The following KCNQ3 variants were observed in gnomAD, a reference collection of about 807,000 sequenced individuals.
KCNQ3 encodes the protein potassium voltage-gated channel subfamily Q member 3.
Under a neutral mutation model 92.5 loss-of-function variants are expected in KCNQ3, and 30 were observed. The ratio of observed to expected loss-of-function variants is 0.32; its 90% CI spans 0.24 to 0.44. The LOEUF is 0.44. Among genes scored for constraint, KCNQ3 ranks in the 20% least tolerant of loss-of-function variants. The probability of loss-of-function intolerance (pLI) is 1.00; values close to 1 mark genes in which losing one functional copy is unlikely to be tolerated. For missense variants in KCNQ3, 913 were observed against 1,140.3 expected, an observed-to-expected ratio of 0.80 and a Z score of 2.87; for synonymous variants, 450 against 468.8, an observed-to-expected ratio of 0.96 and a Z score of 0.52.
chr8:132,410,057 A>C (rs1262091411), intron 1 of KCNQ3, among the ~76,000 whole-genome samples: 6 of 152,172 alleles, frequency 3.9e-5, no homozygotes, highest in African/African-American at 1.4e-4. Flanking sequence ...TGAGCCCAGG[A>C]GGTCATGGCT....
intron 1 of KCNQ3, among the ~76,000 whole-genome samples, chr8:132,303,057 T>C (rs1395830199): frequency 2.0e-5 from 3 of 152,180 alleles, no homozygotes; most frequent in Admixed American, 6.5e-5. Context: ...CCAGAGCTAT[T>C]GATCATGCAA....
Position 132,184,279 on chromosome 8 carries a change from CCCCG to C in KCNQ3, c.562_565del (p.Arg188AlafsTer3). 1 of 1,614,196 alleles carries C rather than the reference CCCCG, an allele frequency of 6.2e-7. No individual in the cohort carries two copies. The highest frequency in any genetic ancestry group is 8.5e-7 in the Non-Finnish European group (1 of 1,180,036). Reference sequence around the variant, plus strand: ...GGGCTTCCTGGCAAACTTCAGTCGGCCCCGCCAGCCTTTGTATCGGCAGCAACAT... The same window carrying C: ...GGGCTTCCTGGCAAACTTCAGTCGGCCCAGCCTTTGTATCGGCAGCAACAT... On this transcript the variant is annotated frameshift_variant, in exon 3 of 15. Coordinates refer to ENST00000388996, the MANE Select transcript of KCNQ3 (RefSeq NM_004519.4). LOFTEE classifies it high-confidence loss of function.
At chr8:132,269,694 T>C (rs902878984) in intron 1 of KCNQ3, among the ~76,000 whole-genome samples, 9 of 152,200 alleles carry the variant, frequency 5.9e-5, no homozygotes, top group African/African-American at 2.2e-4. Flanking sequence ...CTGTGACAGC[T>C]AGCATTGTCT....
Position 132,334,812 on chromosome 8 carries a change from T to A in KCNQ3, c.386+145335A>T, listed in dbSNP as rs547876088. 2.4e-4 allele frequency among the ~76,000 whole-genome samples: 37 copies of A among 152,278 alleles called. No individual in the cohort carries two copies. The South Asian group carries it at 7.7e-3, about 32-fold the overall frequency. ...CTCTTCCCTGGACACTGAGGCTATTTAACGGCCCCTCCTCTTGAATCCCAC... is the reference window on the plus strand; with the variant it reads ...CTCTTCCCTGGACACTGAGGCTATTAAACGGCCCCTCCTCTTGAATCCCAC... On this transcript the variant is annotated intron_variant, in intron 1 of 14. Transcript: ENST00000388996.
At chr8:132,371,603 A>C (rs1175498201) in intron 1 of KCNQ3, among the ~76,000 whole-genome samples, 1 of 152,164 alleles carries the variant, frequency 6.6e-6, no homozygotes, top group Non-Finnish European at 1.5e-5. Context: ...CCTCTCTGAG[A>C]TCTTGCTCTG....
chr8:132,452,284 ACT>A (rs1262903381), intron 1 of KCNQ3, among the ~76,000 whole-genome samples: 3 of 151,562 alleles, frequency 2.0e-5, no homozygotes, highest in South Asian at 4.2e-4. Flanking sequence ...CCACCGCCCC[ACT>A]CTCTATTTCT....
chr8:132,231,852 G>C (rs1402514973), intron 1 of KCNQ3, among the ~76,000 whole-genome samples: 6 of 152,192 alleles, frequency 3.9e-5, no homozygotes, highest in Non-Finnish European at 8.8e-5. Context: ...CTTGGCAAGA[G>C]TGACTTCAGA....
chr8:132,429,286 G>A (rs540012212), intron 1 of KCNQ3, among the ~76,000 whole-genome samples: 32 of 152,232 alleles, frequency 2.1e-4, no homozygotes, highest in African/African-American at 7.2e-4. Flanking sequence ...GGTTCCAAGT[G>A]CACCTCCCAT....
intron 1 of KCNQ3, among the ~76,000 whole-genome samples, chr8:132,293,273 A>C (rs909225219): frequency 6.6e-6 from 1 of 152,202 alleles, no homozygotes; most frequent in Non-Finnish European, 1.5e-5. Flanking sequence ...CCAACTGGCA[A>C]CTGCTTGGTC....
rs535700021 is a variant in KCNQ3, at chr8:132,396,970, G to A, written c.386+83177C>T. On this transcript the variant is annotated intron_variant, in intron 1 of 14. Transcript: ENST00000388996. ...TGTGCGTGTGTGTGTGTGTGTATGT[G>A]TGTGTGGGAGAAAGAGAGAGAGAGA... is the stretch of plus-strand genomic sequence containing the variant. Among the ~76,000 whole-genome samples, 4 of 151,412 alleles carry A rather than the reference G, an allele frequency of 2.6e-5. No homozygotes were observed. In the East Asian group the frequency reaches 7.7e-4, roughly 29 times the overall value.
intron 1 of KCNQ3, among the ~76,000 whole-genome samples, chr8:132,296,262 A>G (rs1204582299): frequency 6.6e-6 from 1 of 152,102 alleles, no homozygotes; most frequent in African/African-American, 2.4e-5. Context: ...GGTCCTGTAA[A>G]CCCTGTTTTG....
intron 1 of KCNQ3, among the ~76,000 whole-genome samples, chr8:132,219,560 C>G (rs1814150398): frequency 6.6e-6 from 1 of 152,144 alleles, no homozygotes; most frequent in Admixed American, 6.5e-5. Context: ...CCCTGCTGTT[C>G]TCTCTCAGTC....
chr8:132,405,035 T>A (rs1240114351), intron 1 of KCNQ3, among the ~76,000 whole-genome samples: 1 of 152,166 alleles, frequency 6.6e-6, no homozygotes, highest in Non-Finnish European at 1.5e-5. Flanking sequence ...GAAGCCTATA[T>A]TTCCCATAAC....
chr8:132,376,761 A>G (rs1468124262), intron 1 of KCNQ3, among the ~76,000 whole-genome samples: 1 of 152,250 alleles, frequency 6.6e-6, no homozygotes, highest in Non-Finnish European at 1.5e-5. Context: ...AAATCAGAGC[A>G]GGAATTGTTC....
chr8:132,144,360 A>G (rs1053229644), intron 9 of KCNQ3, among the ~76,000 whole-genome samples: 5 of 152,228 alleles, frequency 3.3e-5, no homozygotes, highest in African/African-American at 9.6e-5. Flanking sequence ...CCCAAAGGAT[A>G]ATCAAATGCA....
chr8:132,131,904 A>G (rs1253772426), intron 14 of KCNQ3, among the ~76,000 whole-genome samples: 1 of 152,128 alleles, frequency 6.6e-6, no homozygotes. Context: ...CCTGGCCAAC[A>G]TGGTGAAACC....
chr8:132,409,475 T>A (rs948858770), intron 1 of KCNQ3, among the ~76,000 whole-genome samples: 1 of 150,648 alleles, frequency 6.6e-6, no homozygotes, highest in Non-Finnish European at 1.5e-5. Flanking sequence ...AAAAAAAAAA[T>A]AGCTCATCCT....
intron 1 of KCNQ3, among the ~76,000 whole-genome samples, chr8:132,339,921 T>C (rs1341679135): frequency 6.7e-6 from 1 of 149,864 alleles, no homozygotes; most frequent in Non-Finnish European, 1.5e-5. Flanking sequence ...GCCTTCTCTG[T>C]AAAGAAATTT....
chr8:132,175,710 T>G, intron 4 of KCNQ3, 102 bp from the exon 5 acceptor site: 1 of 1,115,492 alleles, frequency 9.0e-7, no homozygotes, highest in Non-Finnish European at 1.3e-6. Context: ...TTACCAGCTC[T>G]GTGACTGTGG....
Sources: allele counts gnomAD v4.1 joint callset (sites outside exome capture counted in the v4.1 genomes callset), GRCh38; gene constraint gnomAD v4.1.1; transcripts MANE v1.5; gene names NCBI Gene and HGNC (gene_info 2026-07-23, HGNC 2026-07-21).